TYW1: variants seen among roughly 807,000 people sequenced by gnomAD.
TYW1 encodes tRNA-yW synthesizing protein 1 homolog, also known as S-adenosyl-L-methionine-dependent tRNA 4-demethylwyosine synthase TYW1.
TYW1 carries 46 observed loss-of-function variants against 96.2 expected under a neutral mutation model. The observed-to-expected ratio is 0.48, with a 90% CI of 0.38 to 0.61. The LOEUF (loss-of-function observed/expected upper bound fraction) is 0.61. Ranked by LOEUF, TYW1 falls within the 20% of genes least tolerant of loss-of-function variation. The pLI is 0.00. For synonymous variants in TYW1, 274 were observed against 323.0 expected, an observed-to-expected ratio of 0.85 and a Z score of 1.63; for missense variants, 684 against 909.6, an observed-to-expected ratio of 0.75 and a Z score of 3.19.
chr7:67,218,947 A>G (rs1801290986), intron 15 of TYW1, among the ~76,000 whole-genome samples: 1 of 152,234 alleles, frequency 6.6e-6, no homozygotes, highest in South Asian at 2.1e-4. Context: ...ATTTTGAACG[A>G]AAGTAGTGAA....
chr7:67,138,523 T>C (rs10257698), intron 13 of TYW1, among the ~76,000 whole-genome samples: 1 of 151,824 alleles, frequency 6.6e-6, no homozygotes, highest in Non-Finnish European at 1.5e-5. Flanking sequence ...AATTAAATTA[T>C]GTTTGACTAT....
chr7:67,154,162 TC>T (rs1798894126), intron 13 of TYW1, among the ~76,000 whole-genome samples: 1 of 152,180 alleles, frequency 6.6e-6, no homozygotes, highest in Non-Finnish European at 1.5e-5. Flanking sequence ...GACCTCATGA[TC>T]CACCTGCCTT....
At chr7:67,226,304 C>G (rs556833502) in intron 15 of TYW1, among the ~76,000 whole-genome samples, 1 of 152,226 alleles carries the variant, frequency 6.6e-6, no homozygotes, top group South Asian at 2.1e-4. Context: ...AAGAAATTAG[C>G]CAAACGATTA....
intron 13 of TYW1, among the ~76,000 whole-genome samples, chr7:67,138,216 C>T (rs540309989): frequency 6.6e-6 from 1 of 152,222 alleles, no homozygotes; most frequent in Non-Finnish European, 1.5e-5. Context: ...ACTGGTAGTC[C>T]TCCTGGTTTC....
At chr7:67,151,838 G>T (rs1422017050) in intron 13 of TYW1, among the ~76,000 whole-genome samples, 2 of 151,920 alleles carry the variant, frequency 1.3e-5, no homozygotes, top group African/African-American at 2.4e-5. Context: ...ATAGGGACTT[G>T]CTCTTTTGAC....
At chr7:67,183,910 C>G (rs1012934645) in intron 14 of TYW1, among the ~76,000 whole-genome samples, 3 of 152,070 alleles carry the variant, frequency 2.0e-5, no homozygotes. Flanking sequence ...TTACTGCAGC[C>G]TCCAACTCTT....
At chr7:67,237,904 T>TA (rs1337151985) in intron 15 of TYW1, among the ~76,000 whole-genome samples, 6 of 152,152 alleles carry the variant, frequency 3.9e-5, no homozygotes, top group Admixed American at 3.9e-4. Flanking sequence ...AAGTTGAGTC[T>TA]AAAAAGGATT....
chr7:67,078,877 G>A (rs1796292294), intron 10 of TYW1, among the ~76,000 whole-genome samples: 1 of 151,888 alleles, frequency 6.6e-6, no homozygotes, highest in Admixed American at 6.6e-5. Context: ...TATTTTTTTA[G>A]TAGAGACAGG....
intron 15 of TYW1, among the ~76,000 whole-genome samples, chr7:67,218,454 A>G (rs913063560): frequency 3.9e-5 from 6 of 152,050 alleles, no homozygotes; most frequent in African/African-American, 1.4e-4. Flanking sequence ...CTGAGACTCA[A>G]GAGATCCTCC....
At chr7:67,074,164 A>G (rs1291559054) in intron 10 of TYW1, among the ~76,000 whole-genome samples, 1 of 152,076 alleles carries the variant, frequency 6.6e-6, no homozygotes, top group Non-Finnish European at 1.5e-5. Context: ...TTATAGGGTG[A>G]GCGCTTGCAA....
intron 6 of TYW1, among the ~76,000 whole-genome samples, chr7:67,018,481 C>T (rs2129243278): frequency 6.6e-6 from 1 of 151,886 alleles, no homozygotes; most frequent in Non-Finnish European, 1.5e-5. Context: ...TTTGAGACTG[C>T]AGTGAGCTGT....
At chr7:67,200,139 A>C (rs1420681869) in intron 15 of TYW1, among the ~76,000 whole-genome samples, 2 of 152,160 alleles carry the variant, frequency 1.3e-5, no homozygotes, top group East Asian at 3.8e-4. Flanking sequence ...CATGGCACCA[A>C]GTGTGCGCCA....
At chr7:67,021,598 T>A (rs1362766858) in intron 6 of TYW1, among the ~76,000 whole-genome samples, 1 of 151,472 alleles carries the variant, frequency 6.6e-6, no homozygotes, top group Non-Finnish European at 1.5e-5. Context: ...GCATTTCCCC[T>A]TTCGATGTAG....
chr7:67,097,791 C>T (rs1796964704), intron 11 of TYW1, among the ~76,000 whole-genome samples: 1 of 151,908 alleles, frequency 6.6e-6, no homozygotes, highest in African/African-American at 2.4e-5. Flanking sequence ...CTCCCAGACT[C>T]AAGTGATCTT....
At chr7:67,148,507 G>C (rs1036357264) in intron 13 of TYW1, among the ~76,000 whole-genome samples, 1 of 144,068 alleles carries the variant, frequency 6.9e-6, no homozygotes, top group Non-Finnish European at 1.5e-5. Context: ...CTCACTGCAA[G>C]CTCCGCCCCC....
chr7:67,045,132 A>G (rs1795146412), intron 7 of TYW1, among the ~76,000 whole-genome samples: 1 of 152,162 alleles, frequency 6.6e-6, no homozygotes. Flanking sequence ...TTTTTATCCT[A>G]GGCAAAATTG....
At chr7:67,178,658 GT>G (rs896941928) in intron 13 of TYW1, among the ~76,000 whole-genome samples, 4 of 152,094 alleles carry the variant, frequency 2.6e-5, no homozygotes, top group Non-Finnish European at 4.4e-5. Flanking sequence ...TAAACACAGT[GT>G]TGAGTGATAG....
At chr7:67,052,723 T>A (rs1313837360) in intron 8 of TYW1, among the ~76,000 whole-genome samples, 1 of 152,116 alleles carries the variant, frequency 6.6e-6, no homozygotes, top group Admixed American at 6.6e-5. Flanking sequence ...TGGGTATTTT[T>A]ATTTTTATTA....
At chr7:67,076,728 G>A (rs552006370) in intron 10 of TYW1, among the ~76,000 whole-genome samples, 34 of 150,848 alleles carry the variant, frequency 2.3e-4, no homozygotes, top group Admixed American at 7.3e-4. Flanking sequence ...CGCCTCCCTT[G>A]GCCTTCCAAA....
Sources: allele counts gnomAD v4.1 joint callset (sites outside exome capture counted in the v4.1 genomes callset), GRCh38; gene constraint gnomAD v4.1.1; transcripts MANE v1.5; gene names NCBI Gene and HGNC (gene_info 2026-07-23, HGNC 2026-07-21).